Variants in ATG7 observed in about 807,000 individuals in gnomAD.
ATG7 encodes ubiquitin-like modifier-activating enzyme ATG7.
In ATG7, 70 loss-of-function variants were observed where a neutral mutation model predicts 82.4. The observed-to-expected ratio is 0.85, with a 90% CI of 0.70 to 1.04. ATG7 has a LOEUF of 1.04. ATG7 is among the 50% of genes least tolerant of loss of function. The probability of loss-of-function intolerance (pLI) is 0.00; values close to 1 mark genes in which losing one functional copy is unlikely to be tolerated. For missense variants in ATG7, 792 were observed against 864.3 expected (o/e 0.92, Z 1.05); for synonymous variants, 287 against 313.0 (o/e 0.92, Z 0.88).
At chr3:11,534,263 G>A (rs1046739300) in intron 20 of ATG7, among the ~76,000 whole-genome samples, 1 of 152,268 alleles carries the variant, frequency 6.6e-6, no homozygotes, top group Non-Finnish European at 1.5e-5. Flanking sequence ...CCCTTCTGCC[G>A]CAAGCTGGAC....
In ATG7 at chr3:11,555,137, C is replaced by G. The variant is rs539548285; in HGVS notation, c.*294C>G. On this transcript the variant is annotated 3_prime_UTR_variant, in exon 21 of 21. Transcript: ENST00000693202. ...TGTCACAGTGACTGATAGCCATCCC[C>G]CAGGATCCTTTCCCCTTGGCCCTGA... The G allele has an allele frequency of 2.7e-5, 12 of 444,516 alleles. No individual in the cohort carries two copies. The highest frequency in any genetic ancestry group is 1.3e-4 in the Admixed American group (3 of 23,732). 27.5% of individuals were successfully genotyped at this position (444,516 alleles called of 1,614,324 possible).
intron 20 of ATG7, among the ~76,000 whole-genome samples, chr3:11,432,397 T>C (rs146914860): frequency 6.6e-6 from 1 of 152,194 alleles, no homozygotes; most frequent in South Asian, 2.1e-4. Context: ...ATTAAAAAAT[T>C]TAAGTACCAC....
chr3:11,278,714 G>C (rs1942426428), intron 1 of ATG7, among the ~76,000 whole-genome samples: 1 of 152,204 alleles, frequency 6.6e-6, no homozygotes, highest in Non-Finnish European at 1.5e-5. Context: ...GCTAAGTCAG[G>C]TGCTAGAAAA....
intron 19 of ATG7, among the ~76,000 whole-genome samples, chr3:11,382,775 G>T (rs1417107672): frequency 6.6e-6 from 1 of 152,126 alleles, no homozygotes; most frequent in East Asian, 1.9e-4. Context: ...TTTTTTGGCA[G>T]AGTATTTTTG....
intron 20 of ATG7, among the ~76,000 whole-genome samples, chr3:11,515,859 T>C (rs1251217136): frequency 2.6e-5 from 4 of 151,696 alleles, no homozygotes; most frequent in South Asian, 2.1e-4. Flanking sequence ...ACAAGAGAAG[T>C]TGAAAAAAGC....
At chr3:11,529,072 G>A (rs2092643904) in intron 20 of ATG7, among the ~76,000 whole-genome samples, 1 of 151,928 alleles carries the variant, frequency 6.6e-6, no homozygotes, top group African/African-American at 2.4e-5. Context: ...AAAAAAGGGG[G>A]CGGTACATTC....
the ATG7 span, chr3:11,568,537 A>G: frequency 6.5e-7 from 1 of 1,546,904 alleles, no homozygotes; most frequent in Non-Finnish European, 8.8e-7. The surrounding 1 kb of genome is among the most constrained non-coding windows in gnomAD (Gnocchi z 5.9). Context: ...AGACAAAGAC[A>G]CTGAAAACAG....
chr3:11,414,487 C>G (rs2081197483), intron 19 of ATG7, among the ~76,000 whole-genome samples: 1 of 152,218 alleles, frequency 6.6e-6, no homozygotes, highest in Non-Finnish European at 1.5e-5. Flanking sequence ...GGCATGTCAT[C>G]TATGAACAGA....
Position 11,376,400 on chromosome 3 carries a change from G to A in ATG7, c.1876-3572G>A, listed in dbSNP as rs528989375. Among the ~76,000 whole-genome samples the A allele has an allele frequency of 7.2e-5, 11 of 152,328 alleles. No homozygotes were observed. The South Asian group carries it at 2.3e-3, about 32-fold the overall frequency. Reference sequence around the variant, plus strand: ...TTCCTCAAGGTATTTTGGGCATAAAGATCAAAAGGATTTCAGAGGGTAGAG... The same window carrying A: ...TTCCTCAAGGTATTTTGGGCATAAAAATCAAAAGGATTTCAGAGGGTAGAG... On this transcript the variant is annotated intron_variant, in intron 18 of 20. Coordinates refer to ENST00000693202, the MANE Select transcript of ATG7 (RefSeq NM_001349232.2).
the ATG7 span, among the ~76,000 whole-genome samples, chr3:11,564,377 G>A: frequency 1.3e-5 from 2 of 148,654 alleles, no homozygotes; most frequent in Admixed American, 6.8e-5. Flanking sequence ...CCCTTCATCC[G>A]CGTGACCGTC....
chr3:11,383,983 A>G (rs968882165), intron 19 of ATG7, among the ~76,000 whole-genome samples: 1 of 152,092 alleles, frequency 6.6e-6, no homozygotes, highest in Non-Finnish European at 1.5e-5. Context: ...TCCTATCAAG[A>G]TATTAGTGTT....
At chr3:11,523,900 T>C (rs376022053) in intron 20 of ATG7, among the ~76,000 whole-genome samples, 1 of 152,208 alleles carries the variant, frequency 6.6e-6, no homozygotes, top group Non-Finnish European at 1.5e-5. Flanking sequence ...TGTTTCCACT[T>C]GTCTGGTAAT....
At chr3:11,358,390 A>G (rs1318146727) in intron 14 of ATG7, 28 bp from the exon 15 acceptor site, 4 of 1,596,676 alleles carry the variant, frequency 2.5e-6, no homozygotes, top group Non-Finnish European at 3.4e-6. Context: ...ATTGCTCCAG[A>G]CATAACTACG....
intron 19 of ATG7, among the ~76,000 whole-genome samples, chr3:11,414,137 A>T (rs1159906011): frequency 6.6e-6 from 1 of 152,128 alleles, no homozygotes; most frequent in Non-Finnish European, 1.5e-5. Context: ...ATCTTGGCTC[A>T]CTGTAACCTC....
chr3:11,291,898 A>G (rs1945036037), intron 3 of ATG7, among the ~76,000 whole-genome samples: 1 of 152,240 alleles, frequency 6.6e-6, no homozygotes, highest in Non-Finnish European at 1.5e-5. Context: ...TAGCAGGCTA[A>G]GGCTGCAGCA....
At chr3:11,357,660 GAGGAAAC>G (rs1189641253) in intron 14 of ATG7, among the ~76,000 whole-genome samples, 7 of 152,136 alleles carry the variant, frequency 4.6e-5, no homozygotes, top group African/African-American at 1.7e-4. Flanking sequence ...GTTTAACACT[GAGGAAAC>G]AGAAGGGAGG....
rs368598930 is a variant in ATG7, at chr3:11,417,810, A to ATTTTTTTTT, written c.1957-8990_1957-8989insTTTTTTTTT. 5.1e-5 allele frequency among the ~76,000 whole-genome samples: 5 copies of ATTTTTTTTT among 97,984 alleles called. No individual in the cohort carries two copies. The South Asian group carries it at 1.0e-3, about 20-fold the overall frequency. 64.3% of individuals were successfully genotyped at this position (97,984 alleles called of 152,430 possible). ...ATTATTATTATTATTATTTTATTTT[A>ATTTTTTTTT]TTTTATTTTTTTTTTTTTTGAGACA... On this transcript the variant is annotated intron_variant, in intron 19 of 20. Coordinates refer to ENST00000693202, the MANE Select transcript of ATG7 (RefSeq NM_001349232.2).
chr3:11,478,189 C>T (rs1352621676), intron 20 of ATG7, among the ~76,000 whole-genome samples: 2 of 152,110 alleles, frequency 1.3e-5, no homozygotes, highest in African/African-American at 4.8e-5. Context: ...CTGAGAAAAA[C>T]ATGGTGATTA....
intron 20 of ATG7, among the ~76,000 whole-genome samples, chr3:11,491,456 CCTT>C (rs1172535005): frequency 2.6e-5 from 4 of 152,216 alleles, no homozygotes; most frequent in Admixed American, 6.5e-5. Context: ...TCGTCAGAAG[CCTT>C]CTTCTCTCAA....
Sources: gnomAD v4.1 joint callset for allele counts (sites outside exome capture counted in the v4.1 genomes callset) on GRCh38, gnomAD v4.1.1 for gene constraint, Gnocchi (gnomAD v3.1) non-coding constraint, MANE v1.5 for transcripts, NCBI Gene and HGNC (gene_info 2026-07-23, HGNC 2026-07-21) for gene names.